The following KCNG2 variants were observed in gnomAD, a reference collection of about 807,000 sequenced individuals.
The protein encoded by KCNG2 is potassium voltage-gated channel modifier subfamily G member 2.
A neutral mutation model predicts 12.3 loss-of-function variants in KCNG2; 7 were observed. The observed-to-expected ratio is 0.57, with a 90% CI of 0.32 to 1.07. KCNG2 has a LOEUF of 1.07. KCNG2 is among the 50% of genes least tolerant of loss of function. KCNG2 has a pLI of 0.04. For missense variants in KCNG2, 703 were observed against 726.0 expected, an observed-to-expected ratio of 0.97 and a Z score of 0.36; for synonymous variants, 414 against 351.4, an observed-to-expected ratio of 1.18 and a Z score of -1.99.
chr18:79,864,081 G>A lies in KCNG2; in HGVS notation c.414G>A (p.Thr138=). ...EEAAEARAGP[T]ERGAQGSPAR... Reference sequence around the variant, plus strand: ...CGGCCGAGGCCCGCGCGGGGCCGACGGAGCGCGGGGCGCAGGGGAGCCCGG... The same window carrying A: ...CGGCCGAGGCCCGCGCGGGGCCGACAGAGCGCGGGGCGCAGGGGAGCCCGG... The change falls in exon 3 of 4, where the codon ACG becomes ACA. Residue 138 remains threonine (T), a synonymous_variant. Coordinates refer to ENST00000316249, the MANE Select transcript of KCNG2 (RefSeq NM_012283.2). The A allele has an allele frequency of 9.4e-7, 1 of 1,064,134 alleles. No homozygotes were observed. The highest frequency in any genetic ancestry group is 1.1e-6 in the Non-Finnish European group (1 of 881,442). 65.9% of individuals were successfully genotyped at this position (1,064,134 alleles called of 1,614,324 possible).
chr18:79,887,989 A>T (rs541218791), intron 3 of KCNG2, among the ~76,000 whole-genome samples: 1 of 150,986 alleles, frequency 6.6e-6, no homozygotes, highest in East Asian at 1.9e-4. Context: ...TTGGAGACAG[A>T]TGGTGAAGGC....
chr18:79,837,765 G>T (rs1210157685), intron 1 of KCNG2, among the ~76,000 whole-genome samples: 1 of 152,146 alleles, frequency 6.6e-6, no homozygotes, highest in African/African-American at 2.4e-5. Flanking sequence ...ACATCTTCCT[G>T]TCTTCTTCTG....
At chr18:79,843,829 C>T (rs1439742992) in intron 1 of KCNG2, among the ~76,000 whole-genome samples, 1 of 152,142 alleles carries the variant, frequency 6.6e-6, no homozygotes, top group South Asian at 2.1e-4. Flanking sequence ...AAAGGAACTA[C>T]AAAACAGTTG....
chr18:79,833,676 T>C (rs1978308402), intron 1 of KCNG2, among the ~76,000 whole-genome samples: 1 of 152,224 alleles, frequency 6.6e-6, no homozygotes, highest in South Asian at 2.1e-4. Context: ...TAAACAAGGC[T>C]AAGTCCAAAT....
Position 79,855,670 on chromosome 18 carries a change from C to T in KCNG2, c.-114-709C>T, listed in dbSNP as rs932189962. On this transcript the variant is annotated intron_variant, in intron 1 of 3. Coordinates refer to ENST00000316249, the MANE Select transcript of KCNG2 (RefSeq NM_012283.2). ...GGTACTGGCTGGTGGGTTTCCTTCC[C>T]GATCACCCTCCGTGGAGGGGACCCT... is the stretch of plus-strand genomic sequence containing the variant. Among the ~76,000 whole-genome samples, 3 of 151,938 alleles carry T rather than the reference C, an allele frequency of 2.0e-5. No homozygotes were observed. In the East Asian group the frequency reaches 5.8e-4, roughly 29 times the overall value.
At chr18:79,828,410 G>T (rs544590387) in intron 1 of KCNG2, among the ~76,000 whole-genome samples, 10 of 151,770 alleles carry the variant, frequency 6.6e-5, no homozygotes, top group African/African-American at 2.4e-4. Context: ...ATGTATCAGT[G>T]TGTGCATGTT....
intron 1 of KCNG2, among the ~76,000 whole-genome samples, chr18:79,853,349 G>A (rs1034115190): frequency 6.6e-6 from 1 of 152,184 alleles, no homozygotes; most frequent in Non-Finnish European, 1.5e-5. Context: ...TTGAGCAAAC[G>A]CCGAGCGTGA....
At chr18:79,798,283 G>C (rs1469186837) in intron 1 of KCNG2, among the ~76,000 whole-genome samples, 1 of 152,020 alleles carries the variant, frequency 6.6e-6, no homozygotes, top group Admixed American at 6.5e-5. Context: ...GGGAGTCGAG[G>C]GGGGCGTCGG....
At chr18:79,853,598 G>A (rs756606301) in intron 1 of KCNG2, among the ~76,000 whole-genome samples, 7 of 152,202 alleles carry the variant, frequency 4.6e-5, no homozygotes, top group Non-Finnish European at 8.8e-5. Flanking sequence ...AGGAGGAGGC[G>A]GGAACCTGCT....
At chr18:79,850,290 T>G (rs1305844748) in intron 1 of KCNG2, among the ~76,000 whole-genome samples, 1 of 152,234 alleles carries the variant, frequency 6.6e-6, no homozygotes, top group Admixed American at 6.5e-5. Context: ...GATTAAAGTT[T>G]GTATAAAATT....
chr18:79,887,209 G>A (rs569759772), intron 3 of KCNG2, among the ~76,000 whole-genome samples: 5 of 151,564 alleles, frequency 3.3e-5, no homozygotes, highest in South Asian at 2.1e-4. Flanking sequence ...ACAGGGACAC[G>A]GGGATATAGG....
At chr18:79,862,879 A>G (rs28735056) in intron 2 of KCNG2, among the ~76,000 whole-genome samples, 51,709 of 152,106 alleles carry the variant, frequency 0.34, 9,288 homozygotes, top group South Asian at 0.52. Context: ...TCCTAGTCAA[A>G]GAGTCCTGTA....
chr18:79,811,873 T>G (rs2122995686), intron 1 of KCNG2, among the ~76,000 whole-genome samples: 1 of 152,202 alleles, frequency 6.6e-6, no homozygotes, highest in Admixed American at 6.5e-5. Context: ...GAGATCACGC[T>G]GGATGGAATT....
intron 1 of KCNG2, among the ~76,000 whole-genome samples, chr18:79,818,045 G>A (rs566795933): frequency 4.9e-4 from 75 of 152,286 alleles, no homozygotes; most frequent in African/African-American, 1.4e-3. Context: ...CCTGCCCCTC[G>A]CCCCAGGACA....
chr18:79,801,339 G>A lies in KCNG2; in HGVS notation c.-115+3325G>A, dbSNP rs918072804. On this transcript the variant is annotated intron_variant, in intron 1 of 3. Coordinates refer to ENST00000316249, the MANE Select transcript of KCNG2 (RefSeq NM_012283.2). Reference sequence around the variant, plus strand: ...GGTACCTGTGAAGGCCTCAGGCCTCGCCAGCTCTGCGTCCTCCTCCCCCGA... The same window carrying A: ...GGTACCTGTGAAGGCCTCAGGCCTCACCAGCTCTGCGTCCTCCTCCCCCGA... Among the ~76,000 whole-genome samples, 71 of 152,344 alleles carry A rather than the reference G, an allele frequency of 4.7e-4. 1 individual carries two copies. The highest frequency in any genetic ancestry group is 1.6e-3 in the African/African-American group (66 of 41,580).
chr18:79,827,931 T>C (rs1429416641), intron 1 of KCNG2, among the ~76,000 whole-genome samples: 13 of 151,186 alleles, frequency 8.6e-5, no homozygotes, highest in African/African-American at 2.4e-4. Context: ...TTCTTTCTTT[T>C]TTTTTTTTTT....
At position 79,863,325 on chromosome 18, in the gene KCNG2, T is replaced by A. The variant is rs550332142; in HGVS notation, c.-40-303T>A. Among the ~76,000 whole-genome samples the A allele has an allele frequency of 3.2e-4, 48 of 152,334 alleles. No homozygotes were observed. In the South Asian group the frequency reaches 8.5e-3, roughly 27 times the overall value. ...AACATCTGGCTCTTTGGAGTTTGCG[T>A]CGATTTGTGAAAGCTCCGTTCGACC... On this transcript the variant is annotated intron_variant, in intron 2 of 3. Transcript: ENST00000316249.
At chr18:79,806,765 C>T (rs1487959227) in intron 1 of KCNG2, among the ~76,000 whole-genome samples, 3 of 152,252 alleles carry the variant, frequency 2.0e-5, no homozygotes, top group Non-Finnish European at 2.9e-5. Context: ...GTAATGGTGA[C>T]GCTTTCTCAA....
At chr18:79,826,973 A>G (rs1454444390) in intron 1 of KCNG2, among the ~76,000 whole-genome samples, 2 of 152,272 alleles carry the variant, frequency 1.3e-5, no homozygotes, top group African/African-American at 4.8e-5. Flanking sequence ...TACAGTTTCT[A>G]GGAAATTCGC....
Sources: allele counts gnomAD v4.1 joint callset (sites outside exome capture counted in the v4.1 genomes callset), GRCh38; gene constraint gnomAD v4.1.1; transcripts MANE v1.5; gene names NCBI Gene and HGNC (gene_info 2026-07-23, HGNC 2026-07-21).